Variants in CERS5 observed in about 807,000 individuals in gnomAD.
The protein encoded by CERS5 is ceramide synthase 5, also known as LAG1 homolog, ceramide synthase 5.
In CERS5, 37 loss-of-function variants were observed where a neutral mutation model predicts 58.9. The ratio of observed to expected loss-of-function variants is 0.63; its 90% confidence interval spans 0.48 to 0.83. The LOEUF is 0.83. CERS5 is among the 40% of genes least tolerant of loss of function. The probability of loss-of-function intolerance (pLI) is 0.00; values close to 1 mark genes in which losing one functional copy is unlikely to be tolerated. For missense variants in CERS5, 398 were observed against 489.3 expected (o/e 0.81, Z 1.76); for synonymous variants, 147 against 177.8 (o/e 0.83, Z 1.38).
intron 1 of CERS5, among the ~76,000 whole-genome samples, chr12:50,158,798 A>G (rs1440747587): frequency 6.6e-6 from 1 of 152,192 alleles, no homozygotes; most frequent in Non-Finnish European, 1.5e-5. Flanking sequence ...AATGCTGACA[A>G]TACCCAAAAA....
intron 1 of CERS5, among the ~76,000 whole-genome samples, chr12:50,160,786 G>T (rs1939196376): frequency 6.6e-6 from 1 of 152,116 alleles, no homozygotes; most frequent in African/African-American, 2.4e-5. Flanking sequence ...CCACACCTTG[G>T]ACTATTCTTT....
chr12:50,146,216 G>T (rs1004023203), intron 1 of CERS5, among the ~76,000 whole-genome samples: 3 of 152,114 alleles, frequency 2.0e-5, no homozygotes, highest in Admixed American at 2.0e-4. Flanking sequence ...CTACCTCACA[G>T]GGTTATTTTA....
rs1322765496 is a variant in CERS5, at chr12:50,134,687, G to A, written c.888C>T (p.Thr296=). The A allele has an allele frequency of 1.1e-5, 18 of 1,613,554 alleles. No individual in the cohort carries two copies. Among genetic ancestry groups the A allele is most frequent in the African/African-American group, 4.0e-5 (3 of 74,862 alleles). The change falls in exon 9 of 10, where the codon ACC becomes ACT. Residue 296 remains threonine (T), a synonymous_variant. Coordinates refer to ENST00000317551, the MANE Select transcript of CERS5 (RefSeq NM_147190.5). ...CGATTATCTCCCAACTCTCAAAGAG[G>A]GTCGTGTTCAGAATCCTAGAAGAGG... The part of the protein sequence containing the change: ...GIYPFWILNT[T]LFESWEIIGP...
chr12:50,153,968 C>A, intron 1 of CERS5: 2 of 318,406 alleles, frequency 6.3e-6, no homozygotes, highest in South Asian at 2.3e-5. Context: ...ACAACAACAA[C>A]AAAACACAAT....
rs73299596 is a variant in CERS5 at position 50,135,047 on chromosome 12, G to A, written c.873-345C>T. 8.7e-3 allele frequency among the ~76,000 whole-genome samples: 1,315 copies of A among 150,982 alleles called. 24 individuals carry two copies. Among genetic ancestry groups the A allele is most frequent in the African/African-American group, 0.03 (1,242 of 41,010 alleles). ...AGGCACATATAGGATAGGACAGTAGGTAGCTGATTCCCATAGAGCAGTGAA... is the reference window on the plus strand; with the variant it reads ...AGGCACATATAGGATAGGACAGTAGATAGCTGATTCCCATAGAGCAGTGAA... On this transcript the variant is annotated intron_variant, in intron 8 of 9. Transcript: ENST00000317551.
intron 4 of CERS5, among the ~76,000 whole-genome samples, chr12:50,139,155 C>T (rs560493961): frequency 2.6e-5 from 4 of 152,128 alleles, no homozygotes; most frequent in Admixed American, 1.3e-4. Context: ...TTTAATCAAA[C>T]CTTTCAAAGA....
At chr12:50,143,866 C>T (rs1952113723) in intron 2 of CERS5, 86 bp downstream of exon 2, 1 of 816,368 alleles carries the variant, frequency 1.2e-6, no homozygotes, top group Non-Finnish European at 2.1e-6. Context: ...TATCCTTACC[C>T]TTAGAGGTAC....
intron 1 of CERS5, among the ~76,000 whole-genome samples, chr12:50,147,884 C>T (rs1952382030): frequency 6.6e-6 from 1 of 152,088 alleles, no homozygotes; most frequent in Non-Finnish European, 1.5e-5. Context: ...CTCAAGTGAT[C>T]CTCCCACCTC....
At position 50,143,909 on chromosome 12, in the gene CERS5, A is replaced by G. The variant is rs747023473; in HGVS notation, c.303+43T>C. ...CTATCCTCCCCTGCCCCATGGAGCA[A>G]CGCCTTATGTGAATATTCCTCTCTG... On this transcript the variant is annotated intron_variant, in intron 2 of 9. Coordinates refer to ENST00000317551, the MANE Select transcript of CERS5 (RefSeq NM_147190.5). 3 of 1,216,220 alleles carry G rather than the reference A, an allele frequency of 2.5e-6. No homozygotes were observed. The Admixed American group carries it at 5.0e-5, about 20-fold the overall frequency. The allele number at this position is 1,216,220 out of a possible 1,614,324, so 75.3% of individuals were successfully genotyped here.
chr12:50,154,636 A>G (rs1020379188), intron 1 of CERS5, among the ~76,000 whole-genome samples: 1 of 152,156 alleles, frequency 6.6e-6, no homozygotes, highest in African/African-American at 2.4e-5. Flanking sequence ...GGAAAATAAT[A>G]TTTTTCAAAA....
intron 1 of CERS5, among the ~76,000 whole-genome samples, chr12:50,154,607 T>C (rs1175423645): frequency 6.6e-6 from 1 of 152,200 alleles, no homozygotes; most frequent in South Asian, 2.1e-4. Flanking sequence ...ATCAATGCTG[T>C]TCTTCTATTT....
At chr12:50,136,132 C>T in intron 6 of CERS5, 63 bp from the exon 7 acceptor site, 1 of 1,388,846 alleles carries the variant, frequency 7.2e-7, no homozygotes, top group Admixed American at 2.7e-5. Context: ...CCAGCCAACC[C>T]AACGTCCTGC....
rs763319215 is a variant in CERS5, at chr12:50,167,262, C to A, written c.36G>T (p.Leu12=). The A allele has an allele frequency of 2.5e-6, 4 of 1,587,846 alleles. No individual in the cohort carries two copies. The highest frequency in any genetic ancestry group is 3.4e-6 in the Non-Finnish European group (4 of 1,171,636). ...ATAAQGPLSL[L]WGWLWSERFW... is the part of the protein sequence containing the mutation. ...AGCGCTCGCTCCACAGCCAGCCCCACAGCAAGCTTAGGGGTCCCTGCGCTG... is the reference window on the plus strand; with the variant it reads ...AGCGCTCGCTCCACAGCCAGCCCCAAAGCAAGCTTAGGGGTCCCTGCGCTG... Residue 12 remains leucine, a synonymous_variant, in exon 1 of 10, where the codon CTG becomes CTT. Coordinates refer to ENST00000317551, the MANE Select transcript of CERS5 (RefSeq NM_147190.5).
intron 1 of CERS5, among the ~76,000 whole-genome samples, chr12:50,164,610 C>T (rs1405136928): frequency 1.3e-5 from 2 of 152,166 alleles, no homozygotes; most frequent in African/African-American, 2.4e-5. Flanking sequence ...AAACAAGGTG[C>T]CTGTCTTTAC....
chr12:50,148,944 ATATG>A (rs1172263025), intron 1 of CERS5, among the ~76,000 whole-genome samples: 20 of 121,224 alleles, frequency 1.6e-4, no homozygotes, highest in South Asian at 5.3e-4. Flanking sequence ...ATATATATAT[ATATG>A]TGTGTGTGTG....
chr12:50,151,393 TTAA>T lies in CERS5; in HGVS notation c.198-7339_198-7337del, dbSNP rs149248742. On this transcript the variant is annotated intron_variant, in intron 1 of 9. Coordinates refer to ENST00000317551, the MANE Select transcript of CERS5 (RefSeq NM_147190.5). Reference sequence around the variant, plus strand: ...ATTACTTTTGCACCAACCAAATACATTAATGACTAATCTCCTTCTTGAAATGCC... The same window carrying T: ...ATTACTTTTGCACCAACCAAATACATTGACTAATCTCCTTCTTGAAATGCC... Among the ~76,000 whole-genome samples, 434 of 152,328 alleles carry T rather than the reference TTAA, an allele frequency of 2.8e-3. 10 individuals are homozygous for T. In the East Asian group the frequency reaches 0.076, roughly 27 times the overall value.
In CERS5 at chr12:50,134,612, C is replaced by G; in HGVS notation, c.963G>C (p.Gln321His). 6.2e-7 allele frequency: 1 copy of G among 1,614,132 alleles called. No homozygotes were observed. The highest frequency in any genetic ancestry group is 1.1e-5 in the South Asian group (1 of 91,084). Residue 321 changes from glutamine (Q) to histidine (H), a missense_variant, in exon 9 of 10, where the codon CAG (glutamine) becomes CAC (histidine). Physicochemically the swap from Gln to His is conservative, Grantham distance 24. Around this residue, in one of 3 missense-constraint regions of CERS5, gnomAD observed 23 missense variants for 54.6 expected, o/e 0.42. Transcript: ENST00000317551. ...GGTAGGACCAGATGACATGCAGAAG[C>G]TGTAGGGTCAGCAGCAGGCCATTGA... The part of the protein sequence containing the change: ...WLLNGLLLTL[Q>H]LLHVIWSYLI...
At chr12:50,131,260 A>C (rs908421184) in intron 9 of CERS5, among the ~76,000 whole-genome samples, 1 of 152,116 alleles carries the variant, frequency 6.6e-6, no homozygotes, top group African/African-American at 2.4e-5. Context: ...CACTTTTCTT[A>C]TGAAACTTCA....
chr12:50,144,343 C>G (rs1952143728), intron 1 of CERS5: 1 of 315,162 alleles, frequency 3.2e-6, no homozygotes, highest in African/African-American at 2.1e-5. Context: ...TTGAGCCCAT[C>G]TCAGACTTGC....
Sources: gnomAD v4.1 joint callset for allele counts (sites outside exome capture counted in the v4.1 genomes callset) on GRCh38, gnomAD v4.1.1 for gene constraint, gnomAD v4.1.1 regional missense constraint, MANE v1.5 for transcripts, NCBI Gene and HGNC (gene_info 2026-07-23, HGNC 2026-07-21) for gene names.